Variants in ZFHX2 observed in about 807,000 individuals in gnomAD.
ZFHX2 encodes the protein zinc finger homeobox 2, also known as zinc finger homeobox protein 2.
Under a neutral mutation model 164.8 loss-of-function variants are expected in ZFHX2, and 75 were observed. That is an observed-to-expected ratio of 0.46 (90% confidence interval 0.38 to 0.55). The LOEUF (loss-of-function observed/expected upper bound fraction) is 0.55. Among genes scored for constraint, ZFHX2 ranks in the 20% least tolerant of loss-of-function variants. ZFHX2 has a pLI of 0.00. For synonymous variants in ZFHX2, 1,217 were observed against 1,351.4 expected (o/e 0.90, Z 2.18); for missense variants, 2,933 against 3,308.0 (o/e 0.89, Z 2.78).
Position 23,522,194 on chromosome 14 carries a change from T to C in ZFHX2, c.7487A>G (p.His2496Arg), listed in dbSNP as rs1465499996. The C allele has an allele frequency of 3.4e-6, 5 of 1,488,754 alleles. No homozygotes were observed. The highest frequency in any genetic ancestry group is 1.4e-5 in the African/African-American group (1 of 71,968). The allele number at this position is 1,488,754 out of a possible 1,614,324, so 92.2% of individuals were successfully genotyped here. ...PPLRVPICTY[H>R]CLACEVLLSG... is the part of the protein sequence containing the mutation. The stretch of plus-strand genomic sequence containing the variant: ...CAGCAGCACCTCACATGCCAGGCAG[T>C]GGTAGGTGCAGATGGGCACCCGCAA... Residue 2496 changes from histidine to arginine, a missense_variant, in exon 10 of 10, where the codon CAC becomes CGC. By Grantham distance (29) the His-to-Arg change is conservative (BLOSUM62 0). Coordinates refer to ENST00000419474, the MANE Select transcript of ZFHX2 (RefSeq NM_033400.3).
Position 23,525,118 on chromosome 14 carries a change from T to A in ZFHX2, c.4824A>T (p.Gln1608His). Residue 1608 changes from glutamine (Q) to histidine (H), a missense_variant, in exon 9 of 10, where the codon CAA becomes CAT. Coordinates refer to ENST00000419474, the MANE Select transcript of ZFHX2 (RefSeq NM_033400.3). The surrounding 1 kb of genome is among the most constrained non-coding windows in gnomAD (Gnocchi z 5.9). ...TAGTCTCAAAGAAAGACTGCAGGGC[T>A]TGGGTCTGGAACTCTGTGAACTTGG... The part of the protein sequence containing the change: ...SRTKFTEFQT[Q>H]ALQSFFETSA... 1 of 1,536,178 alleles carries A rather than the reference T, an allele frequency of 6.5e-7. No homozygotes were observed. Among genetic ancestry groups the A allele is most frequent in the Non-Finnish European group, 8.7e-7 (1 of 1,146,920 alleles).
upstream of ZFHX2, among the ~76,000 whole-genome samples, chr14:23,555,437 C>G (rs550295285): frequency 6.6e-6 from 1 of 152,226 alleles, no homozygotes; most frequent in African/African-American, 2.4e-5. Flanking sequence ...CTTCTCCTTA[C>G]GTACCACCCA....
chr14:23,536,746 C>A (rs987339717), intron 1 of ZFHX2, among the ~76,000 whole-genome samples: 1 of 152,178 alleles, frequency 6.6e-6, no homozygotes, highest in South Asian at 2.1e-4. Context: ...ACTGATGAGG[C>A]ACTGAGTAAA....
intron 1 of ZFHX2, among the ~76,000 whole-genome samples, chr14:23,549,808 C>A (rs114027233): frequency 6.6e-6 from 1 of 152,318 alleles, no homozygotes; most frequent in African/African-American, 2.4e-5. Context: ...TATGTGCCTT[C>A]ACAAACCATA....
chr14:23,525,719 CGCTCAGCCA>C lies in ZFHX2; in HGVS notation c.4214_4222del (p.Leu1405_Glu1407del). The C allele has an allele frequency of 6.6e-7, 1 of 1,518,014 alleles. No homozygotes were observed. Among genetic ancestry groups the C allele is most frequent in the Non-Finnish European group, 8.8e-7 (1 of 1,136,944 alleles). 94.0% of individuals were successfully genotyped at this position (1,518,014 alleles called of 1,614,324 possible). ...GGCCATGGGGGGCCGCTCCCACTCC[CGCTCAGCCA>C]GCTCAGCCTTGGGAGGTTGGGGTGG... On this transcript the variant is annotated inframe_deletion, in exon 9 of 10. Transcript: ENST00000419474. This position sits in a 1 kb window ranked among gnomAD's most constrained non-coding sequence, Gnocchi z 5.9.
chr14:23,532,561 C>A lies in ZFHX2; in HGVS notation c.2559+6G>T, dbSNP rs1253110439. On this transcript the variant is annotated splice_donor_region_variant and intron_variant, in intron 3 of 9. Transcript: ENST00000419474. ...CTTCCGATGGCCCTTCCTGACCCAG[C>A]CTCACCTTATAGATTTGGCTGTTTT... The A allele has an allele frequency of 3.5e-6, 5 of 1,436,958 alleles. No individual in the cohort carries two copies. Among genetic ancestry groups the A allele is most frequent in the Non-Finnish European group, 4.6e-6 (5 of 1,098,736 alleles). The allele number at this position is 1,436,958 out of a possible 1,614,324, so 89.0% of individuals were successfully genotyped here.
rs1247354359 is a variant in ZFHX2, at chr14:23,533,181, A to C, written c.2042-97T>G. The C allele has an allele frequency of 1.5e-5, 21 of 1,440,816 alleles. No individual in the cohort carries two copies. The highest frequency in any genetic ancestry group is 1.8e-5 in the Non-Finnish European group (20 of 1,101,278). The allele number at this position is 1,440,816 out of a possible 1,614,324, so 89.3% of individuals were successfully genotyped here. A position where few individuals can be genotyped will look rare whatever the true frequency, so the allele number is the denominator to read the frequency against. ...GGTTAATGAGTAGGATAGTGCTCAG[A>C]GGGACTTATGGTTACCTAAGTGGGG... On this transcript the variant is annotated intron_variant, in intron 2 of 9. Transcript: ENST00000419474. This position sits in a 1 kb window ranked among gnomAD's most constrained non-coding sequence, Gnocchi z 4.8.
intron 1 of ZFHX2, among the ~76,000 whole-genome samples, chr14:23,539,253 T>G (rs1880526215): frequency 6.6e-6 from 1 of 152,200 alleles, no homozygotes; most frequent in Admixed American, 6.5e-5. Flanking sequence ...CCCAGGTCTC[T>G]GTTTACTTCT....
rs199765643 is a variant in ZFHX2 at position 23,535,600 on chromosome 14, A to AT, written c.-49-227dup. 4.6e-3 allele frequency among the ~76,000 whole-genome samples: 689 copies of AT among 151,296 alleles called. 4 individuals are homozygous for AT. Among genetic ancestry groups the AT allele is most frequent in the African/African-American group, 0.016 (652 of 41,310 alleles). ...TTTATTTTATTTTATTAATTAATTA[A>AT]TTTTTTTTTGAGATGGAGTTTTGCT... On this transcript the variant is annotated intron_variant, in intron 1 of 9. Transcript: ENST00000419474. The surrounding 1 kb of genome is among the most constrained non-coding windows in gnomAD (Gnocchi z 4.5).
At chr14:23,548,320 A>G (rs1881598977) in intron 1 of ZFHX2, 2 of 152,154 alleles carry the variant, frequency 1.3e-5, no homozygotes, top group South Asian at 2.1e-4. Context: ...ATTTGTGACA[A>G]CTGTTGTTCT....
In ZFHX2 at chr14:23,523,346, G is replaced by A. The variant is rs1306683099; in HGVS notation, c.6596C>T (p.Pro2199Leu). The A allele has an allele frequency of 6.8e-7, 1 of 1,468,002 alleles. No homozygotes were observed. Among genetic ancestry groups the A allele is most frequent in the African/African-American group, 1.4e-5 (1 of 71,226 alleles). The allele number at this position is 1,468,002 out of a possible 1,614,324, so 90.9% of individuals were successfully genotyped here. The change falls in exon 9 of 10, where the codon CCA (proline) becomes CTA (leucine). Residue 2199 changes from proline (P) to leucine (L), a missense_variant. Physicochemically the swap from Pro to Leu is moderately conservative, Grantham distance 98. Coordinates refer to ENST00000419474, the MANE Select transcript of ZFHX2 (RefSeq NM_033400.3). This position sits in a 1 kb window ranked among gnomAD's most constrained non-coding sequence, Gnocchi z 4.1. Reference sequence around the variant, plus strand: ...GGTGGCAGGTGGGGCCTTGAGAGCTGGGGGAGCCTCAGGTGCTGGGGCCAA... The same window carrying A: ...GGTGGCAGGTGGGGCCTTGAGAGCTAGGGGAGCCTCAGGTGCTGGGGCCAA... ...YDLAPAPEAP[P>L]ALKAPPATTP...
Position 23,534,760 on chromosome 14 carries a change from G to A in ZFHX2, c.566C>T (p.Ser189Phe). The A allele has an allele frequency of 6.5e-7, 1 of 1,536,128 alleles. No individual in the cohort carries two copies. The highest frequency in any genetic ancestry group is 8.7e-7 in the Non-Finnish European group (1 of 1,146,858). The change falls in exon 2 of 10, where the codon TCC becomes TTC. Residue 189 changes from serine to phenylalanine, a missense_variant. Transcript: ENST00000419474. The surrounding 1 kb of genome is among the most constrained non-coding windows in gnomAD (Gnocchi z 4.5). Reference sequence around the variant, plus strand: ...CGGAGATGGTGCTGAGGTATCATGGGACAGAATTTGGTCAGAAGAGCTAAA... The same window carrying A: ...CGGAGATGGTGCTGAGGTATCATGGAACAGAATTTGGTCAGAAGAGCTAAA... ...QGFSSSDQIL[S>F]HDTSAPSPAA...
In ZFHX2 at chr14:23,522,077, G is replaced by C. The variant is rs1172119386; in HGVS notation, c.7604C>G (p.Thr2535Ser). 1.3e-6 allele frequency: 2 copies of C among 1,536,190 alleles called. No individual in the cohort carries two copies. The highest frequency in any genetic ancestry group is 1.2e-5 in the South Asian group (1 of 84,070). Residue 2535 changes from threonine (T) to serine (S), a missense_variant, in exon 10 of 10, where the codon ACC (threonine) becomes AGC (serine). Thr to Ser is a moderately conservative substitution (Grantham distance 58). Coordinates refer to ENST00000419474, the MANE Select transcript of ZFHX2 (RefSeq NM_033400.3). ...PPQGGPPISITNAATAASAAV... is the reference protein window; with the variant it reads ...PPQGGPPISISNAATAASAAV... ...AGCCGAGGCAGCAGTGGCGGCGTTG[G>C]TGATGGAGATGGGTGGGCCCCCTTG...
At position 23,535,205 on chromosome 14, in the gene ZFHX2, G is replaced by A. The variant is rs1472494169; in HGVS notation, c.121C>T (p.Pro41Ser). 6.5e-7 allele frequency: 1 copy of A among 1,529,136 alleles called. No homozygotes were observed. Among genetic ancestry groups the A allele is most frequent in the African/African-American group, 1.4e-5 (1 of 72,916 alleles). The allele number at this position is 1,529,136 out of a possible 1,614,324, so 94.7% of individuals were successfully genotyped here. ...TCAGAGGTGGAGGAGGCAGCAGGGG[G>A]ATCTTTGGTGACAGGATCAGAGGGG... ...STPSDPVTKD[P>S]PAASSTSENM... Residue 41 changes from proline (P) to serine (S), a missense_variant, in exon 2 of 10, where the codon CCC (proline) becomes TCC (serine). Coordinates refer to ENST00000419474, the MANE Select transcript of ZFHX2 (RefSeq NM_033400.3). The surrounding 1 kb of genome is among the most constrained non-coding windows in gnomAD (Gnocchi z 4.5).
chr14:23,547,775 C>T (rs1233754053), intron 1 of ZFHX2, among the ~76,000 whole-genome samples: 1 of 152,202 alleles, frequency 6.6e-6, no homozygotes, highest in Non-Finnish European at 1.5e-5. Flanking sequence ...CCAGCCTCTC[C>T]CTACTAATTC....
Position 23,521,835 on chromosome 14 carries a change from T to G in ZFHX2, c.*127A>C, listed in dbSNP as rs1878032972. 1 of 1,456,620 alleles carries G rather than the reference T, an allele frequency of 6.9e-7. No homozygotes were observed. Among genetic ancestry groups the G allele is most frequent in the African/African-American group, 1.4e-5 (1 of 70,548 alleles). The allele number at this position is 1,456,620 out of a possible 1,614,324, so 90.2% of individuals were successfully genotyped here. A position where few individuals can be genotyped will look rare whatever the true frequency, so the allele number is the denominator to read the frequency against. On this transcript the variant is annotated 3_prime_UTR_variant, in exon 10 of 10. Transcript: ENST00000419474. The stretch of plus-strand genomic sequence containing the variant: ...TGTGGTGCCCACTGAGGGTGGGAAC[T>G]GAACAGTTCCTGTGAGGTGGGCGGG...
Position 23,520,860 on chromosome 14 carries a change from T to C in ZFHX2, c.*1102A>G, listed in dbSNP as rs1335040539. On this transcript the variant is annotated 3_prime_UTR_variant, in exon 10 of 10. Coordinates refer to ENST00000419474, the MANE Select transcript of ZFHX2 (RefSeq NM_033400.3). The surrounding 1 kb of genome is among the most constrained non-coding windows in gnomAD (Gnocchi z 8.7). The stretch of plus-strand genomic sequence containing the variant: ...AATAGGAAAAAAAACACTTGTCTGA[T>C]GGGAGTTTTCTTCCTTTTTTTTTTT... 2.0e-5 allele frequency: 3 copies of C among 148,810 alleles called. No homozygotes were observed. The highest frequency in any genetic ancestry group is 4.4e-5 in the Non-Finnish European group (3 of 67,856). 9.2% of individuals were successfully genotyped at this position (148,810 alleles called of 1,614,324 possible). A position where few individuals can be genotyped will look rare whatever the true frequency, so the allele number is the denominator to read the frequency against.
rs1377123435 is a variant in ZFHX2, at chr14:23,521,309, T to G, written c.*653A>C. 2.0e-5 allele frequency: 3 copies of G among 152,510 alleles called. No homozygotes were observed. The highest frequency in any genetic ancestry group is 4.4e-5 in the Non-Finnish European group (3 of 68,324). 9.4% of individuals were successfully genotyped at this position (152,510 alleles called of 1,614,324 possible). ...CAGAAGCACTTCTCCCATGCCAGCC[T>G]CCAGTTTGGTTAGAGTTTTGTGGGC... On this transcript the variant is annotated 3_prime_UTR_variant, in exon 10 of 10. Transcript: ENST00000419474.
At chr14:23,541,709 C>T (rs541635524) in intron 1 of ZFHX2, among the ~76,000 whole-genome samples, 2 of 152,334 alleles carry the variant, frequency 1.3e-5, no homozygotes, top group East Asian at 3.9e-4. Context: ...CACATTTGGA[C>T]AGAAGCAGCT....
Sources: gnomAD v4.1 joint callset for allele counts (sites outside exome capture counted in the v4.1 genomes callset) on GRCh38, gnomAD v4.1.1 for gene constraint, Gnocchi (gnomAD v3.1) non-coding constraint, MANE v1.5 for transcripts, NCBI Gene and HGNC (gene_info 2026-07-23, HGNC 2026-07-21) for gene names.